The following MAML3 variants were observed in gnomAD, a reference collection of about 807,000 sequenced individuals.
The protein encoded by MAML3 is mastermind-like protein 3.
A neutral mutation model predicts 101.9 loss-of-function variants in MAML3; 27 were observed. That is an observed-to-expected ratio of 0.27 (90% CI 0.20 to 0.37). The LOEUF (loss-of-function observed/expected upper bound fraction) is 0.37, where lower values mean the gene tolerates loss of function less well. MAML3 is among the 10% of genes least tolerant of loss of function. The pLI, the probability that MAML3 is intolerant of heterozygous loss-of-function variation, is 1.00. For missense variants in MAML3, 1,316 were observed against 1,444.9 expected, an observed-to-expected ratio of 0.91 and a Z score of 1.45; for synonymous variants, 501 against 555.9, an observed-to-expected ratio of 0.90 and a Z score of 1.39.
intron 1 of MAML3, among the ~76,000 whole-genome samples, chr4:140,059,320 A>G (rs1727404681): frequency 6.6e-6 from 1 of 152,216 alleles, no homozygotes; most frequent in Non-Finnish European, 1.5e-5. Context: ...TGGGGATTCA[A>G]TGAACACTTC....
At position 139,852,304 on chromosome 4, in the gene MAML3, A is replaced by G. The variant is rs372417658; in HGVS notation, c.2079+37053T>C. Among the ~76,000 whole-genome samples, 93 of 152,240 alleles carry G rather than the reference A, an allele frequency of 6.1e-4. 1 individual carries two copies. The highest frequency in any genetic ancestry group is 2.0e-3 in the African/African-American group (84 of 41,532). On this transcript the variant is annotated intron_variant, in intron 2 of 4. Coordinates refer to ENST00000509479, the MANE Select transcript of MAML3 (RefSeq NM_018717.5). ...TGACCATGTCATGGTCACAGAGTAA[A>G]ATGTAAAAGACATAGAAAGCACCAT...
At chr4:139,722,457 TG>T (rs1192180942) in intron 4 of MAML3, among the ~76,000 whole-genome samples, 1 of 152,240 alleles carries the variant, frequency 6.6e-6, no homozygotes, top group African/African-American at 2.4e-5. Flanking sequence ...CAACAGATTA[TG>T]TTTTCTTTTT....
intron 1 of MAML3, among the ~76,000 whole-genome samples, chr4:140,024,603 A>C (rs533907199): frequency 2.0e-5 from 3 of 152,312 alleles, no homozygotes; most frequent in African/African-American, 7.2e-5. Flanking sequence ...TTTGCTCTTA[A>C]TCACTCTGCT....
At chr4:140,151,530 G>A (rs1215411311) in intron 1 of MAML3, among the ~76,000 whole-genome samples, 10 of 152,284 alleles carry the variant, frequency 6.6e-5, no homozygotes, top group East Asian at 1.9e-4. Flanking sequence ...GACCGGGAAC[G>A]TGTGCGATTT....
chr4:139,773,844 T>A (rs1396362540), intron 2 of MAML3, among the ~76,000 whole-genome samples: 1 of 152,214 alleles, frequency 6.6e-6, no homozygotes, highest in African/African-American at 2.4e-5. Context: ...GGAACTCAGA[T>A]TTGAGACAGG....
At chr4:139,837,362 G>A (rs1014679546) in intron 2 of MAML3, among the ~76,000 whole-genome samples, 2 of 151,840 alleles carry the variant, frequency 1.3e-5, no homozygotes, top group African/African-American at 4.8e-5. Flanking sequence ...GCTGGGCCTG[G>A]TGGTGGGCGC....
At chr4:139,998,718 C>T (rs1004796542) in intron 1 of MAML3, among the ~76,000 whole-genome samples, 5 of 152,042 alleles carry the variant, frequency 3.3e-5, no homozygotes, top group East Asian at 1.9e-4. Flanking sequence ...GGTATTTTTC[C>T]CCTGAAAGTT....
intron 2 of MAML3, among the ~76,000 whole-genome samples, chr4:139,831,927 G>T (rs1439395604): frequency 6.6e-6 from 1 of 151,222 alleles, no homozygotes; most frequent in Non-Finnish European, 1.5e-5. Flanking sequence ...CAAGTAGTTG[G>T]GATTACAGGC....
At chr4:140,070,487 C>T (rs1376456763) in intron 1 of MAML3, among the ~76,000 whole-genome samples, 2 of 152,064 alleles carry the variant, frequency 1.3e-5, no homozygotes, top group African/African-American at 2.4e-5. Flanking sequence ...TCTAGAAGAA[C>T]AAAAAGAGAA....
chr4:139,897,850 C>A (rs114323823), intron 1 of MAML3, among the ~76,000 whole-genome samples: 1 of 152,222 alleles, frequency 6.6e-6, no homozygotes, highest in Non-Finnish European at 1.5e-5. Flanking sequence ...GCCATTACCT[C>A]TCATCTTCCC....
chr4:139,902,252 C>G (rs1032805318), intron 1 of MAML3, among the ~76,000 whole-genome samples: 2 of 49,878 alleles, frequency 4.0e-5, no homozygotes, highest in African/African-American at 7.8e-5. Flanking sequence ...CGCACGCACA[C>G]GCACACACAC....
chr4:139,771,693 A>G (rs1333986648), intron 2 of MAML3, among the ~76,000 whole-genome samples: 1 of 152,168 alleles, frequency 6.6e-6, no homozygotes, highest in Non-Finnish European at 1.5e-5. Flanking sequence ...CCCTTAGCGT[A>G]TTTAACTGCA....
chr4:139,733,553 G>A (rs1192564832), intron 2 of MAML3, among the ~76,000 whole-genome samples: 1 of 106,022 alleles, frequency 9.4e-6, no homozygotes, highest in Non-Finnish European at 1.9e-5. Flanking sequence ...CAAAAGCACA[G>A]TGTGAAAAAA....
rs139061066 is a variant in MAML3 at position 139,914,164 on chromosome 4, A to G, written c.469-23197T>C. ...TTCCAAAATTCCAAAGCAATTTCACAATCATAATGAAATGAGGGAGGAAAT... is the reference window on the plus strand; with the variant it reads ...TTCCAAAATTCCAAAGCAATTTCACGATCATAATGAAATGAGGGAGGAAAT... On this transcript the variant is annotated intron_variant, in intron 1 of 4. Transcript: ENST00000509479. Among the ~76,000 whole-genome samples the G allele has an allele frequency of 2.6e-3, 391 of 152,324 alleles. 2 individuals carry two copies. Among genetic ancestry groups the G allele is most frequent in the Middle Eastern group, 0.01 (3 of 294 alleles).
At chr4:140,029,650 T>A (rs891228018) in intron 1 of MAML3, among the ~76,000 whole-genome samples, 1 of 152,222 alleles carries the variant, frequency 6.6e-6, no homozygotes, top group African/African-American at 2.4e-5. Context: ...TATTTATAAA[T>A]ATTACATCTA....
chr4:139,999,276 G>A (rs1734878225), intron 1 of MAML3, among the ~76,000 whole-genome samples: 1 of 152,114 alleles, frequency 6.6e-6, no homozygotes, highest in Non-Finnish European at 1.5e-5. Context: ...CACTAGTCAT[G>A]AGCACTGTCC....
At chr4:140,072,403 G>C (rs933274661) in intron 1 of MAML3, among the ~76,000 whole-genome samples, 3 of 152,148 alleles carry the variant, frequency 2.0e-5, no homozygotes, top group Non-Finnish European at 2.9e-5. Flanking sequence ...AGGCGTGGTG[G>C]CTCATGCCTG....
At chr4:140,008,160 C>G (rs532809730) in intron 1 of MAML3, among the ~76,000 whole-genome samples, 4 of 152,152 alleles carry the variant, frequency 2.6e-5, no homozygotes, top group African/African-American at 9.7e-5. Context: ...GCCTGGCCTA[C>G]GTGGTGAAAC....
chr4:140,038,345 G>A (rs2110903078), intron 1 of MAML3, among the ~76,000 whole-genome samples: 1 of 152,328 alleles, frequency 6.6e-6, no homozygotes, highest in Admixed American at 6.5e-5. Context: ...TGCACCTCTT[G>A]TGGCTCCAAA....
Sources: gnomAD v4.1 joint callset for allele counts (sites outside exome capture counted in the v4.1 genomes callset) on GRCh38, gnomAD v4.1.1 for gene constraint, MANE v1.5 for transcripts, NCBI Gene and HGNC (gene_info 2026-07-23, HGNC 2026-07-21) for gene names.